The following SPMIP3 variants were observed in gnomAD, a reference collection of about 807,000 sequenced individuals.
SPMIP3 encodes the protein protein SPMIP3.
At chr1:244,373,393 C>G in the SPMIP3 span, among the ~76,000 whole-genome samples, 2 of 127,174 alleles carry the variant, frequency 1.6e-5, no homozygotes, top group African/African-American at 5.8e-5. Context: ...CTCCCAGCTA[C>G]TTAGGAAGCT....
chr1:244,366,067 A>G, the SPMIP3 span, among the ~76,000 whole-genome samples: 2 of 152,166 alleles, frequency 1.3e-5, no homozygotes, highest in Non-Finnish European at 2.9e-5. Flanking sequence ...GCAGCAGTGT[A>G]GTAGCTATAA....
chr1:244,375,462 TC>T, the SPMIP3 span: 1 of 1,613,058 alleles, frequency 6.2e-7, no homozygotes, highest in South Asian at 1.1e-5. Flanking sequence ...CAAAGAGAGC[TC>T]CCAGGTGAGA....
chr1:244,379,644 T>G, the SPMIP3 span, among the ~76,000 whole-genome samples: 1 of 152,198 alleles, frequency 6.6e-6, no homozygotes, highest in African/African-American at 2.4e-5. Flanking sequence ...TCAAAAATTC[T>G]AAGTTCCCCT....
chr1:244,360,500 A>T, the SPMIP3 span, among the ~76,000 whole-genome samples: 1 of 146,448 alleles, frequency 6.8e-6, no homozygotes, highest in Non-Finnish European at 1.5e-5. Context: ...GGATAAAGAA[A>T]ACGTGATATA....
chr1:244,358,611 GTA>G, the SPMIP3 span, among the ~76,000 whole-genome samples: 1 of 80,388 alleles, frequency 1.2e-5, no homozygotes, highest in African/African-American at 3.6e-5. Context: ...GTATGTATGT[GTA>G]TGTGTGTGTG....
At chr1:244,384,179 G>T in the SPMIP3 span, among the ~76,000 whole-genome samples, 1 of 152,180 alleles carries the variant, frequency 6.6e-6, no homozygotes, top group Non-Finnish European at 1.5e-5. Flanking sequence ...AATGTGGAGA[G>T]TCAGGAGGAA....
the SPMIP3 span, among the ~76,000 whole-genome samples, chr1:244,387,108 G>A: frequency 6.6e-6 from 1 of 152,174 alleles, no homozygotes; most frequent in African/African-American, 2.4e-5. Flanking sequence ...TTCGAGACTA[G>A]CCTGGCCAAC....
chr1:244,363,988 G>T, the SPMIP3 span, among the ~76,000 whole-genome samples: 9 of 152,012 alleles, frequency 5.9e-5, no homozygotes, highest in African/African-American at 2.2e-4. Flanking sequence ...AGGTAGGAAG[G>T]CCCACTAAGA....
the SPMIP3 span, among the ~76,000 whole-genome samples, chr1:244,374,753 C>A: frequency 1.3e-5 from 2 of 151,718 alleles, no homozygotes; most frequent in African/African-American, 2.4e-5. Context: ...TGTGCCACCA[C>A]GTCCAGCTTT....
chr1:244,376,912 GATTCT>G, the SPMIP3 span, among the ~76,000 whole-genome samples: 1 of 151,788 alleles, frequency 6.6e-6, no homozygotes, highest in Non-Finnish European at 1.5e-5. Flanking sequence ...TGGGTTCAGC[GATTCT>G]CCTGCCTCAG....
the SPMIP3 span, among the ~76,000 whole-genome samples, chr1:244,364,924 G>A: frequency 1.3e-5 from 2 of 152,142 alleles, no homozygotes; most frequent in Non-Finnish European, 2.9e-5. Flanking sequence ...CAAACCTACC[G>A]GCAAAAGTCA....
At chr1:244,372,593 G>A in the SPMIP3 span, among the ~76,000 whole-genome samples, 42 of 152,044 alleles carry the variant, frequency 2.8e-4, no homozygotes, top group Admixed American at 2.0e-4. Context: ...ACAGGTGCCC[G>A]CCACCACACC....
At chr1:244,387,495 AGG>A in the SPMIP3 span, among the ~76,000 whole-genome samples, 1 of 98,228 alleles carries the variant, frequency 1.0e-5, no homozygotes, top group African/African-American at 5.3e-5. Context: ...GTATCACCCA[AGG>A]TAGGAGAGTG....
chr1:244,356,801 G>A, the SPMIP3 span, among the ~76,000 whole-genome samples: 1 of 151,574 alleles, frequency 6.6e-6, no homozygotes, highest in Non-Finnish European at 1.5e-5. Flanking sequence ...AACTCACTCA[G>A]TTATTCAGTA....
At chr1:244,369,532 G>A in the SPMIP3 span, among the ~76,000 whole-genome samples, 1 of 152,196 alleles carries the variant, frequency 6.6e-6, no homozygotes, top group Non-Finnish European at 1.5e-5. Context: ...GTGAGGTTAA[G>A]AGCGGAGGTT....
the SPMIP3 span, among the ~76,000 whole-genome samples, chr1:244,365,137 T>C: frequency 1.3e-5 from 2 of 152,134 alleles, no homozygotes; most frequent in South Asian, 4.2e-4. Flanking sequence ...TATGGGACAA[T>C]TGAAGTACGA....
chr1:244,383,088 T>C, the SPMIP3 span, among the ~76,000 whole-genome samples: 1 of 152,182 alleles, frequency 6.6e-6, no homozygotes, highest in Non-Finnish European at 1.5e-5. Flanking sequence ...ATATATTTGA[T>C]ATCAAGAACA....
At chr1:244,371,538 C>T in the SPMIP3 span, among the ~76,000 whole-genome samples, 2 of 152,348 alleles carry the variant, frequency 1.3e-5, no homozygotes, top group East Asian at 1.9e-4. Flanking sequence ...TGCCAAGGGG[C>T]GGTGGCAGGG....
At chr1:244,363,750 G>C in the SPMIP3 span, among the ~76,000 whole-genome samples, 1 of 152,164 alleles carries the variant, frequency 6.6e-6, no homozygotes, top group Non-Finnish European at 1.5e-5. Context: ...CACTGCCTTC[G>C]CAACAATTGC....
Sources: allele counts gnomAD v4.1 joint callset (sites outside exome capture counted in the v4.1 genomes callset), GRCh38; gene constraint gnomAD v4.1.1; transcripts MANE v1.5; gene names NCBI Gene and HGNC (gene_info 2026-07-23, HGNC 2026-07-21).